The following PLCE1 variants were observed in gnomAD, a reference collection of about 807,000 sequenced individuals.
PLCE1 encodes the protein 1-phosphatidylinositol 4,5-bisphosphate phosphodiesterase epsilon-1.
Under a neutral mutation model 242.8 loss-of-function variants are expected in PLCE1, and 119 were observed. The observed-to-expected ratio is 0.49, with a 90% CI of 0.42 to 0.57. The LOEUF is 0.57. PLCE1 is among the 20% of genes least tolerant of loss of function. PLCE1 has a pLI of 0.00. For synonymous variants in PLCE1, 945 were observed against 1,017.4 expected (o/e 0.93, Z 1.35); for missense variants, 2,441 against 2,788.8 (o/e 0.88, Z 2.81).
At position 94,030,904 on chromosome 10, in the gene PLCE1, A is replaced by C. The variant is rs1353994700; in HGVS notation, c.-143A>C. ...ATTTATTTGCCTCTTAATGCTCCTG[A>C]ATGAAAGGAATTATCCCTTTGTTCT... is the stretch of plus-strand genomic sequence containing the variant. On this transcript the variant is annotated 5_prime_UTR_variant, in exon 2 of 33. Transcript: ENST00000371380. 3 of 796,122 alleles carry C rather than the reference A, an allele frequency of 3.8e-6. No individual in the cohort carries two copies. Among genetic ancestry groups the C allele is most frequent in the Non-Finnish European group, 6.5e-6 (3 of 464,236 alleles). 49.3% of individuals were successfully genotyped at this position (796,122 alleles called of 1,614,324 possible).
intron 4 of PLCE1, among the ~76,000 whole-genome samples, chr10:94,175,837 G>T (rs2048110788): frequency 6.6e-6 from 1 of 152,114 alleles, no homozygotes; most frequent in Non-Finnish European, 1.5e-5. Flanking sequence ...ATCTTTCTGT[G>T]CCTTGCTTAT....
chr10:94,275,103 G>T (rs2051892833), intron 19 of PLCE1, among the ~76,000 whole-genome samples: 1 of 152,140 alleles, frequency 6.6e-6, no homozygotes, highest in South Asian at 2.1e-4. Flanking sequence ...TCCATTCTGT[G>T]CACAGTCATT....
intron 1 of PLCE1, among the ~76,000 whole-genome samples, chr10:93,998,901 T>G (rs898661630): frequency 2.6e-5 from 4 of 152,152 alleles, no homozygotes; most frequent in Admixed American, 6.5e-5. Flanking sequence ...ATCTCGAGTG[T>G]TCTTAGAAGA....
intron 1 of PLCE1, among the ~76,000 whole-genome samples, chr10:94,000,177 A>T (rs933838409): frequency 6.6e-6 from 1 of 152,244 alleles, no homozygotes; most frequent in African/African-American, 2.4e-5. Flanking sequence ...GAGGGGCTCT[A>T]TTGTTAGACA....
At chr10:94,299,215 A>T (rs1225993450) in intron 24 of PLCE1, among the ~76,000 whole-genome samples, 1 of 152,228 alleles carries the variant, frequency 6.6e-6, no homozygotes, top group Admixed American at 6.5e-5. Context: ...CTCCAATGTC[A>T]ATGAGACTCT....
chr10:94,294,568 A>G (rs1458790922), intron 23 of PLCE1, among the ~76,000 whole-genome samples: 1 of 152,236 alleles, frequency 6.6e-6, no homozygotes, highest in Non-Finnish European at 1.5e-5. Flanking sequence ...TTCCCAGTAC[A>G]TATAAAAGTT....
intron 29 of PLCE1, among the ~76,000 whole-genome samples, chr10:94,321,041 C>A (rs1485813446): frequency 6.6e-6 from 1 of 152,074 alleles, no homozygotes; most frequent in Non-Finnish European, 1.5e-5. Flanking sequence ...ACATAATCCA[C>A]CAAAAAGCCA....
intron 19 of PLCE1, among the ~76,000 whole-genome samples, chr10:94,275,761 G>C (rs1254568684): frequency 6.6e-6 from 1 of 152,070 alleles, no homozygotes; most frequent in African/African-American, 2.4e-5. Context: ...ACCTGAGCCT[G>C]GGAGGCCAAG....
chr10:94,187,181 T>TGCGC (rs56791178), intron 4 of PLCE1, among the ~76,000 whole-genome samples: 13 of 149,150 alleles, frequency 8.7e-5, no homozygotes, highest in East Asian at 2.0e-4. Flanking sequence ...TGTGTGTGTG[T>TGCGC]GCGTGCACAC....
intron 4 of PLCE1, among the ~76,000 whole-genome samples, chr10:94,200,786 C>T (rs1416156952): frequency 6.6e-6 from 1 of 152,102 alleles, no homozygotes; most frequent in African/African-American, 2.4e-5. Flanking sequence ...TAGTGTGTGC[C>T]CTGGATATAA....
chr10:94,094,504 A>C (rs1004207052), intron 2 of PLCE1, among the ~76,000 whole-genome samples: 14 of 152,206 alleles, frequency 9.2e-5, no homozygotes, highest in Admixed American at 3.9e-4. Flanking sequence ...TTCCTAATGC[A>C]GACCTGGAGG....
chr10:94,180,650 A>G (rs1197415137), intron 4 of PLCE1, among the ~76,000 whole-genome samples: 1 of 152,214 alleles, frequency 6.6e-6, no homozygotes, highest in East Asian at 1.9e-4. Flanking sequence ...TGATGGTGCT[A>G]TGATTTGAAT....
In PLCE1 at chr10:94,080,274, G is replaced by T. The variant is rs1223667594; in HGVS notation, c.1206+48022G>T. Among the ~76,000 whole-genome samples the T allele has an allele frequency of 2.0e-5, 3 of 152,240 alleles. No individual in the cohort carries two copies. In the East Asian group the frequency reaches 5.8e-4, roughly 29 times the overall value. ...AACTCCTCTCTGCCTCAGGCCCTTTGTATGTGCTAGTCCCTCTGTCTGGGA... is the reference window on the plus strand; with the variant it reads ...AACTCCTCTCTGCCTCAGGCCCTTTTTATGTGCTAGTCCCTCTGTCTGGGA... On this transcript the variant is annotated intron_variant, in intron 2 of 32. Coordinates refer to ENST00000371380, the MANE Select transcript of PLCE1 (RefSeq NM_016341.4).
chr10:94,060,482 T>C (rs1020484840), intron 2 of PLCE1, among the ~76,000 whole-genome samples: 1 of 152,084 alleles, frequency 6.6e-6, no homozygotes, highest in South Asian at 2.1e-4. Flanking sequence ...TAAATGTCTG[T>C]TTCTTAGTTT....
At chr10:94,078,842 T>G (rs1052824593) in intron 2 of PLCE1, among the ~76,000 whole-genome samples, 2 of 152,208 alleles carry the variant, frequency 1.3e-5, no homozygotes, top group Non-Finnish European at 2.9e-5. Flanking sequence ...CTCTGTTTCA[T>G]GCTTAGCAAA....
At chr10:94,123,172 A>G (rs1246026972) in intron 2 of PLCE1, among the ~76,000 whole-genome samples, 1 of 152,194 alleles carries the variant, frequency 6.6e-6, no homozygotes, top group Non-Finnish European at 1.5e-5. Context: ...TTCTTGCCGG[A>G]ACCCAGGGAA....
intron 3 of PLCE1, among the ~76,000 whole-genome samples, chr10:94,141,626 GAAGGAGGAAAGAAAGAAGGAAGGAAAGA>G (rs1421467713): frequency 0.72 from 10,085 of 14,004 alleles, 3,420 homozygotes; most frequent in African/African-American, 0.75. Flanking sequence ...AAGGAAGGCA[GAAGGAGGAAAGAAAGAAGGAAGGAAAGA>G]AGAAAGGGAG....
At chr10:94,073,907 C>A (rs997306996) in intron 2 of PLCE1, among the ~76,000 whole-genome samples, 1 of 152,010 alleles carries the variant, frequency 6.6e-6, no homozygotes, top group South Asian at 2.1e-4. Context: ...GCACAGAAGG[C>A]GGGAAAACAG....
At chr10:94,206,235 G>A (rs1403420190) in intron 4 of PLCE1, among the ~76,000 whole-genome samples, 1 of 152,134 alleles carries the variant, frequency 6.6e-6, no homozygotes, top group Non-Finnish European at 1.5e-5. Flanking sequence ...AACATTCCAG[G>A]TAGAGGGAAC....
Sources: allele counts gnomAD v4.1 joint callset (sites outside exome capture counted in the v4.1 genomes callset), GRCh38; gene constraint gnomAD v4.1.1; transcripts MANE v1.5; gene names NCBI Gene and HGNC (gene_info 2026-07-23, HGNC 2026-07-21).